KIF26B: variants seen among roughly 807,000 people sequenced by gnomAD.
KIF26B encodes kinesin family member 26B.
KIF26B carries 63 observed loss-of-function variants against 151.2 expected under a neutral mutation model. The ratio of observed to expected loss-of-function variants is 0.42; its 90% CI spans 0.34 to 0.51. The LOEUF is 0.51. Ranked by LOEUF, KIF26B falls within the 20% of genes least tolerant of loss-of-function variation. The pLI, the probability that KIF26B is intolerant of heterozygous loss-of-function variation, is 0.07. For synonymous variants in KIF26B, 1,357 were observed against 1,262.1 expected, an observed-to-expected ratio of 1.08 and a Z score of -1.59; for missense variants, 2,813 against 2,913.6, an observed-to-expected ratio of 0.97 and a Z score of 0.79.
At chr1:245,665,102 T>C (rs2044198968) in intron 10 of KIF26B, among the ~76,000 whole-genome samples, 1 of 152,368 alleles carries the variant, frequency 6.6e-6, no homozygotes. Context: ...CAAGTCAATT[T>C]CCAGAGCATA....
At chr1:245,419,429 G>T in intron 3 of KIF26B, 150 bp from the exon 4 acceptor site, 1 of 551,860 alleles carries the variant, frequency 1.8e-6, no homozygotes, top group Non-Finnish European at 3.1e-6. Flanking sequence ...TAGCCTTCCA[G>T]TAGCCCTAAG....
chr1:245,374,273 C>T (rs1673219759), intron 3 of KIF26B, among the ~76,000 whole-genome samples: 1 of 149,130 alleles, frequency 6.7e-6, no homozygotes, highest in African/African-American at 2.5e-5. Context: ...TAGAGGACTT[C>T]CAAGCGCCCC....
At chr1:245,599,127 C>T (rs1164025680) in intron 5 of KIF26B, among the ~76,000 whole-genome samples, 1 of 152,122 alleles carries the variant, frequency 6.6e-6, no homozygotes, top group Non-Finnish European at 1.5e-5. Flanking sequence ...GAACTCCTGG[C>T]AACAAGTCCG....
intron 10 of KIF26B, among the ~76,000 whole-genome samples, chr1:245,682,813 T>A (rs2044456513): frequency 6.6e-6 from 1 of 152,258 alleles, no homozygotes; most frequent in African/African-American, 2.4e-5. Context: ...TAAGAATGTG[T>A]GCCAGGAATG....
rs1490947542 is a variant in KIF26B, at chr1:245,255,667, A to T, written c.465+98984A>T. Among the ~76,000 whole-genome samples the T allele has an allele frequency of 3.9e-5, 6 of 152,330 alleles. No individual in the cohort carries two copies. The South Asian group carries it at 1.0e-3, about 26-fold the overall frequency. ...GCAGTGCTGCCAGGCTCTCTTACAA[A>T]AATCAGTTTGTCTTCTTTTGAGATA... On this transcript the variant is annotated intron_variant, in intron 2 of 14. Coordinates refer to ENST00000407071, the MANE Select transcript of KIF26B (RefSeq NM_018012.4).
intron 5 of KIF26B, among the ~76,000 whole-genome samples, chr1:245,553,009 A>C (rs1019364416): frequency 6.6e-6 from 1 of 152,194 alleles, no homozygotes; most frequent in Admixed American, 6.5e-5. Context: ...CAGAGAGGGC[A>C]AAATAATTCC....
chr1:245,307,122 A>C (rs1177712591), intron 2 of KIF26B, among the ~76,000 whole-genome samples: 1 of 152,202 alleles, frequency 6.6e-6, no homozygotes, highest in Non-Finnish European at 1.5e-5. Flanking sequence ...AATTAGTGTC[A>C]ATTAACTTTT....
chr1:245,399,261 C>T (rs987717130), intron 3 of KIF26B, among the ~76,000 whole-genome samples: 1 of 152,148 alleles, frequency 6.6e-6, no homozygotes, highest in Non-Finnish European at 1.5e-5. Context: ...TAGGGTACAT[C>T]TCATTTACAA....
intron 4 of KIF26B, among the ~76,000 whole-genome samples, chr1:245,485,122 G>C (rs1485492928): frequency 6.6e-6 from 1 of 152,102 alleles, no homozygotes; most frequent in Non-Finnish European, 1.5e-5. Context: ...GCACAAAAAG[G>C]CCAATAATAT....
intron 14 of KIF26B, among the ~76,000 whole-genome samples, chr1:245,700,417 C>A (rs2044754391): frequency 1.3e-5 from 2 of 152,094 alleles, no homozygotes; most frequent in African/African-American, 4.8e-5. Flanking sequence ...CCTGGCCAGG[C>A]ACGGTGGCTC....
rs563744168 is a variant in KIF26B, at chr1:245,480,622, G to A, written c.1167-60145G>A. Among the ~76,000 whole-genome samples, 7 of 151,764 alleles carry A rather than the reference G, an allele frequency of 4.6e-5. No homozygotes were observed. In the South Asian group the frequency reaches 6.3e-4, roughly 14 times the overall value. ...AAGAGTCAGAGCTGGCAGAGTGACC[G>A]GGTATACAGGCAGAGTTTGTACTCT... On this transcript the variant is annotated intron_variant, in intron 4 of 14. Transcript: ENST00000407071.
chr1:245,456,013 A>G (rs1659510248), intron 4 of KIF26B, among the ~76,000 whole-genome samples: 1 of 152,228 alleles, frequency 6.6e-6, no homozygotes, highest in African/African-American at 2.4e-5. Flanking sequence ...ATCAGGGTAT[A>G]AAGAAAAAAG....
chr1:245,554,481 T>C (rs1661971690), intron 5 of KIF26B, among the ~76,000 whole-genome samples: 1 of 152,242 alleles, frequency 6.6e-6, no homozygotes, highest in Non-Finnish European at 1.5e-5. Context: ...ACTTTGGGGA[T>C]ACCCAGATGA....
At chr1:245,301,789 A>G (rs1033845599) in intron 2 of KIF26B, among the ~76,000 whole-genome samples, 1 of 152,200 alleles carries the variant, frequency 6.6e-6, no homozygotes, top group African/African-American at 2.4e-5. Flanking sequence ...TTGGATCTCA[A>G]AGAAATCCCT....
Position 245,166,457 on chromosome 1 carries a change from G to A in KIF26B, c.465+9774G>A, listed in dbSNP as rs1293180434. Among the ~76,000 whole-genome samples the A allele has an allele frequency of 1.3e-5, 2 of 152,198 alleles. No individual in the cohort carries two copies. Among genetic ancestry groups the A allele is most frequent in the Non-Finnish European group, 2.9e-5 (2 of 68,028 alleles). On this transcript the variant is annotated intron_variant, in intron 2 of 14. Coordinates refer to ENST00000407071, the MANE Select transcript of KIF26B (RefSeq NM_018012.4). This position sits in a 1 kb window ranked among gnomAD's most constrained non-coding sequence, Gnocchi z 4.5. ...GAAAGTTTAAGGGAGCTCAGTGGAT[G>A]TAAATAGCGACTCCTTTGGGTTGAG...
intron 5 of KIF26B, among the ~76,000 whole-genome samples, chr1:245,588,788 C>A (rs1468722571): frequency 6.6e-6 from 1 of 152,176 alleles, no homozygotes; most frequent in Non-Finnish European, 1.5e-5. Context: ...ACTGTGTGTT[C>A]AACACATGCT....
chr1:245,348,898 T>C (rs1672510928), intron 2 of KIF26B, among the ~76,000 whole-genome samples: 1 of 152,182 alleles, frequency 6.6e-6, no homozygotes, highest in Non-Finnish European at 1.5e-5. Flanking sequence ...CTCACTGCCT[T>C]CCGGTCTCTG....
At chr1:245,659,128 C>A (rs997160016) in intron 10 of KIF26B, among the ~76,000 whole-genome samples, 3 of 152,064 alleles carry the variant, frequency 2.0e-5, no homozygotes, top group African/African-American at 7.2e-5. Context: ...GTCCCAGCTA[C>A]TCGGCAGGCT....
Position 245,232,228 on chromosome 1 carries a change from A to C in KIF26B, c.465+75545A>C, listed in dbSNP as rs12047257. The stretch of plus-strand genomic sequence containing the variant: ...ATGGCTTTGGCAGCTCTAGACGCCA[A>C]ATTTGTAAAGCAAGAGAAGGGAAAA... On this transcript the variant is annotated intron_variant, in intron 2 of 14. Transcript: ENST00000407071. 4.1e-3 allele frequency among the ~76,000 whole-genome samples: 624 copies of C among 152,362 alleles called. 19 individuals carry two copies. In the East Asian group the frequency reaches 0.092, roughly 22 times the overall value.
Sources: gnomAD v4.1 joint callset for allele counts (sites outside exome capture counted in the v4.1 genomes callset) on GRCh38, gnomAD v4.1.1 for gene constraint, Gnocchi (gnomAD v3.1) non-coding constraint, MANE v1.5 for transcripts, NCBI Gene and HGNC (gene_info 2026-07-23, HGNC 2026-07-21) for gene names.